The following AFF3 variants were observed in gnomAD, a reference collection of about 807,000 sequenced individuals.
The protein encoded by AFF3 is ALF transcription elongation factor 3.
A neutral mutation model predicts 129.7 loss-of-function variants in AFF3; 32 were observed. The ratio of observed to expected loss-of-function variants is 0.25; its 90% CI spans 0.19 to 0.33. The LOEUF is 0.33. Among genes scored for constraint, AFF3 ranks in the 10% least tolerant of loss-of-function variants. The pLI, the probability that AFF3 is intolerant of heterozygous loss-of-function variation, is 1.00. For synonymous variants in AFF3, 644 were observed against 635.4 expected (o/e 1.01, Z -0.20); for missense variants, 1,373 against 1,592.0 (o/e 0.86, Z 2.34).
intron 1 of AFF3, among the ~76,000 whole-genome samples, chr2:100,135,800 AAC>A (rs1031161482): frequency 3.3e-5 from 5 of 152,206 alleles, no homozygotes; most frequent in Admixed American, 6.5e-5. Context: ...CTGCGCTAAG[AAC>A]AGTGTGAAGG....
chr2:99,768,745 A>G (rs1052407249), intron 8 of AFF3, among the ~76,000 whole-genome samples: 6 of 152,170 alleles, frequency 3.9e-5, no homozygotes, highest in African/African-American at 1.4e-4. Context: ...TTCCTGTTTG[A>G]AGGATATTTT....
chr2:99,670,644 T>C (rs960664445), intron 12 of AFF3, among the ~76,000 whole-genome samples: 9 of 152,146 alleles, frequency 5.9e-5, no homozygotes, highest in African/African-American at 1.9e-4. Flanking sequence ...TGTTTAAAAG[T>C]ATGGGAATTA....
intron 8 of AFF3, among the ~76,000 whole-genome samples, chr2:99,828,431 G>T (rs1467919939): frequency 6.6e-6 from 1 of 152,218 alleles, no homozygotes; most frequent in Non-Finnish European, 1.5e-5. Context: ...AGCACTGGCT[G>T]CTGGAGAGAA....
chr2:100,003,153 T>C (rs1394518403), intron 7 of AFF3, among the ~76,000 whole-genome samples: 4 of 152,120 alleles, frequency 2.6e-5, no homozygotes, highest in Non-Finnish European at 5.9e-5. Context: ...TATATGTCTT[T>C]GAAATAATGG....
At position 100,007,266 on chromosome 2, in the gene AFF3, C is replaced by T. The variant is rs138762479; in HGVS notation, c.369G>A (p.Ser123=). 640 of 1,614,096 alleles carry T rather than the reference C, an allele frequency of 4.0e-4. 5 individuals are homozygous for T. In the African/African-American group the frequency reaches 6.8e-3, roughly 17 times the overall value. The change falls in exon 6 of 25, where the codon TCG becomes TCA. Residue 123 remains serine (S), a synonymous_variant. Transcript: ENST00000672756. ...VADSRAQNQP[S]SICSTTTSTP... Reference sequence around the variant, plus strand: ...TGGAAGTTGTAGTGCTACAGATAGACGAGGGCTGGTTCTGGGCTCTTGAAT... The same window carrying T: ...TGGAAGTTGTAGTGCTACAGATAGATGAGGGCTGGTTCTGGGCTCTTGAAT...
At chr2:100,016,292 T>C (rs1184848513) in intron 4 of AFF3, among the ~76,000 whole-genome samples, 2 of 150,364 alleles carry the variant, frequency 1.3e-5, no homozygotes, top group African/African-American at 2.5e-5. Flanking sequence ...GGGGTGATGA[T>C]GGTGGTGGCA....
In AFF3 at chr2:99,878,833, A is replaced by G. The variant is rs1374614390; in HGVS notation, c.874-41309T>C. On this transcript the variant is annotated intron_variant, in intron 7 of 24. Coordinates refer to ENST00000672756, the MANE Select transcript of AFF3 (RefSeq NM_001386135.1). ...TTTCTGTTTTAGAGCATTCTGGCCA[A>G]TAAACTTCACAGAGATTTAAACAAT... is the stretch of plus-strand genomic sequence containing the variant. Among the ~76,000 whole-genome samples the G allele has an allele frequency of 3.9e-5, 6 of 152,340 alleles. No homozygotes were observed. The East Asian group carries it at 9.7e-4, about 25-fold the overall frequency.
chr2:99,705,028 C>A (rs923350875), intron 11 of AFF3, among the ~76,000 whole-genome samples: 7 of 152,148 alleles, frequency 4.6e-5, no homozygotes, highest in African/African-American at 1.7e-4. Flanking sequence ...CAAGGCTGAA[C>A]CCTGGTAGGA....
intron 7 of AFF3, among the ~76,000 whole-genome samples, chr2:99,928,173 A>T (rs1265149242): frequency 1.3e-5 from 2 of 152,210 alleles, no homozygotes; most frequent in Non-Finnish European, 2.9e-5. Context: ...TTTTATCAGC[A>T]GCGTGAAAAC....
At position 99,582,719 on chromosome 2, in the gene AFF3, T is replaced by C. The variant is rs530783641; in HGVS notation, c.2793+79A>G. The C allele has an allele frequency of 5.7e-5, 84 of 1,480,814 alleles. No homozygotes were observed. The African/African-American group carries it at 1.1e-3, about 20-fold the overall frequency. 91.7% of individuals were successfully genotyped at this position (1,480,814 alleles called of 1,614,324 possible). A position where few individuals can be genotyped will look rare whatever the true frequency, so the allele number is the denominator to read the frequency against. ...AGGGACCTCAAGCATGTGTTCAGACTGTGCTAGGTTAGAGACAGAGCTTGG... is the reference window on the plus strand; with the variant it reads ...AGGGACCTCAAGCATGTGTTCAGACCGTGCTAGGTTAGAGACAGAGCTTGG... On this transcript the variant is annotated intron_variant, in intron 17 of 24. Coordinates refer to ENST00000672756, the MANE Select transcript of AFF3 (RefSeq NM_001386135.1).
At chr2:100,132,766 T>C (rs1034262161) in intron 1 of AFF3, among the ~76,000 whole-genome samples, 3 of 152,154 alleles carry the variant, frequency 2.0e-5, no homozygotes, top group Non-Finnish European at 4.4e-5. Flanking sequence ...AAATATCTCA[T>C]TTCCTGTTTT....
rs561679752 is a variant in AFF3, at chr2:99,566,089, A to T, written c.2983-466T>A. Among the ~76,000 whole-genome samples the T allele has an allele frequency of 2.6e-5, 4 of 151,906 alleles. No individual in the cohort carries two copies. The East Asian group carries it at 7.7e-4, about 29-fold the overall frequency. ...ATCTTTTACATTATTTGTGGCACTT[A>T]TATCTCCATGCCTTCCTCTTCTCAA... On this transcript the variant is annotated intron_variant, in intron 19 of 24. Transcript: ENST00000672756.
At chr2:99,559,287 G>A (rs556101851) in intron 21 of AFF3, among the ~76,000 whole-genome samples, 3 of 152,372 alleles carry the variant, frequency 2.0e-5, no homozygotes, top group African/African-American at 7.2e-5. Context: ...TCCACGAGAG[G>A]CGCGAGGTAG....
At chr2:99,751,775 T>C (rs1681676934) in intron 9 of AFF3, among the ~76,000 whole-genome samples, 1 of 152,224 alleles carries the variant, frequency 6.6e-6, no homozygotes, top group South Asian at 2.1e-4. Context: ...TTTTTTTAAG[T>C]CCTAGAAAAT....
intron 7 of AFF3, among the ~76,000 whole-genome samples, chr2:100,000,627 T>C (rs766523579): frequency 3.3e-5 from 5 of 152,198 alleles, no homozygotes; most frequent in Non-Finnish European, 5.9e-5. Context: ...ATGTAGCCAA[T>C]ATTTGCCAAA....
chr2:99,733,218 A>C (rs1679976314), intron 10 of AFF3, among the ~76,000 whole-genome samples: 1 of 152,052 alleles, frequency 6.6e-6, no homozygotes, highest in Admixed American at 6.6e-5. Context: ...TTTCTACTAA[A>C]AATATAAAAA....
At chr2:99,713,052 G>C (rs1288298405) in intron 11 of AFF3, among the ~76,000 whole-genome samples, 2 of 152,192 alleles carry the variant, frequency 1.3e-5, no homozygotes, top group African/African-American at 4.8e-5. Context: ...TAAAGAGACA[G>C]CAATGGTGAT....
intron 12 of AFF3, among the ~76,000 whole-genome samples, chr2:99,666,639 T>C (rs1355681393): frequency 1.3e-5 from 2 of 152,232 alleles, no homozygotes; most frequent in East Asian, 3.8e-4. Flanking sequence ...CAACTATTAA[T>C]TTATGCTGTA....
chr2:99,825,868 C>T (rs1341302093), intron 8 of AFF3, among the ~76,000 whole-genome samples: 1 of 152,182 alleles, frequency 6.6e-6, no homozygotes, highest in Non-Finnish European at 1.5e-5. Flanking sequence ...CCAGGTAGCA[C>T]AACAGTCTTG....
Sources: gnomAD v4.1 joint callset for allele counts (sites outside exome capture counted in the v4.1 genomes callset) on GRCh38, gnomAD v4.1.1 for gene constraint, MANE v1.5 for transcripts, NCBI Gene and HGNC (gene_info 2026-07-23, HGNC 2026-07-21) for gene names.